ADGRA3: variants seen among roughly 807,000 people sequenced by gnomAD.
The protein encoded by ADGRA3 is G-protein coupled receptor 125.
A neutral mutation model predicts 119.8 loss-of-function variants in ADGRA3; 56 were observed. That is an observed-to-expected ratio of 0.47 (90% CI 0.38 to 0.58). ADGRA3 has a LOEUF of 0.58. ADGRA3 is among the 20% of genes least tolerant of loss of function. The pLI is 0.00. For synonymous variants in ADGRA3, 607 were observed against 623.8 expected (o/e 0.97, Z 0.40); for missense variants, 1,516 against 1,649.0 (o/e 0.92, Z 1.40).
chr4:22,429,661 T>A (rs1716081685), intron 10 of ADGRA3, among the ~76,000 whole-genome samples: 1 of 151,390 alleles, frequency 6.6e-6, no homozygotes, highest in South Asian at 2.1e-4. Context: ...AAAAAAAAAA[T>A]TATTCTCTGA....
At chr4:22,454,384 A>T (rs1286542491) in intron 4 of ADGRA3, among the ~76,000 whole-genome samples, 2 of 152,202 alleles carry the variant, frequency 1.3e-5, no homozygotes, top group Admixed American at 6.5e-5. Flanking sequence ...GGTCAGAGGC[A>T]CAATTCAAAT....
intron 14 of ADGRA3, among the ~76,000 whole-genome samples, chr4:22,410,569 A>G (rs1715151093): frequency 6.6e-6 from 1 of 152,186 alleles, no homozygotes. Flanking sequence ...ATTTAGACTT[A>G]CTATATAAAA....
intron 1 of ADGRA3, among the ~76,000 whole-genome samples, chr4:22,483,222 C>A (rs1718311403): frequency 6.6e-6 from 1 of 152,180 alleles, no homozygotes; most frequent in African/African-American, 2.4e-5. Flanking sequence ...TAGTAAACAT[C>A]TTTAACTCCT....
rs1191352279 is a variant in ADGRA3, at chr4:22,390,352, ATATATATAATACGTAT to A, written c.2628-1185_2628-1170del. Among the ~76,000 whole-genome samples, 19 of 99,508 alleles carry A rather than the reference ATATATATAATACGTAT, an allele frequency of 1.9e-4. No homozygotes were observed. In the South Asian group the frequency reaches 4.3e-3, roughly 23 times the overall value. 65.3% of individuals were successfully genotyped at this position (99,508 alleles called of 152,430 possible). ...TATATATATATAAAATACATATTAT[ATATATATAATACGTAT>A]TATATATATATAATACGTATTATAT... On this transcript the variant is annotated intron_variant, in intron 17 of 18. Coordinates refer to ENST00000334304, the MANE Select transcript of ADGRA3 (RefSeq NM_145290.4).
chr4:22,506,095 C>T (rs189628787), intron 1 of ADGRA3, among the ~76,000 whole-genome samples: 299 of 152,222 alleles, frequency 2.0e-3, no homozygotes, highest in African/African-American at 6.8e-3. Context: ...CTGGGACTCA[C>T]CCCCTGCAGA....
At chr4:22,432,344 A>G (rs879745707) in intron 10 of ADGRA3, among the ~76,000 whole-genome samples, 13 of 152,180 alleles carry the variant, frequency 8.5e-5, no homozygotes, top group Non-Finnish European at 1.6e-4. Flanking sequence ...AAATCCAGCA[A>G]GTGATTCTGA....
intron 14 of ADGRA3, among the ~76,000 whole-genome samples, chr4:22,409,351 T>C (rs945139113): frequency 1.3e-5 from 2 of 152,146 alleles, no homozygotes; most frequent in African/African-American, 4.8e-5. Context: ...AAATAAATTA[T>C]GGTAGAAACA....
intron 1 of ADGRA3, among the ~76,000 whole-genome samples, chr4:22,493,887 T>C (rs61793375): frequency 0.11 from 16,452 of 151,906 alleles, 924 homozygotes; most frequent in Middle Eastern, 0.16. Flanking sequence ...CCAAAATCCA[T>C]CAAAACCAAG....
chr4:22,408,950 T>G (rs1341444313), intron 14 of ADGRA3, among the ~76,000 whole-genome samples: 1 of 152,180 alleles, frequency 6.6e-6, no homozygotes, highest in African/African-American at 2.4e-5. Context: ...AAACTGCTGC[T>G]AAATGCAAAA....
intron 11 of ADGRA3, among the ~76,000 whole-genome samples, chr4:22,423,219 G>A (rs539986213): frequency 1.7e-3 from 250 of 148,656 alleles, no homozygotes; most frequent in Admixed American, 3.8e-3. Context: ...AATAAATATT[G>A]AAAAAAAAAG....
In ADGRA3 at chr4:22,424,251, C is replaced by T. The variant is rs1369238714; in HGVS notation, c.1545G>A (p.Val515=). 2 of 1,613,608 alleles carry T rather than the reference C, an allele frequency of 1.2e-6. No homozygotes were observed. Among genetic ancestry groups the T allele is most frequent in the East Asian group, 2.2e-5 (1 of 44,862 alleles). Residue 515 remains valine, a synonymous_variant, in exon 11 of 19, where the codon GTG becomes GTA. Transcript: ENST00000334304. ...AGGTAGCAATGCGCTGAAGACACTG[C>T]ACAATCCTACTGCAGGCTTTAGCTT... The part of the protein sequence containing the change: ...QREAKACSRI[V]QCLQRIATYR...
At chr4:22,503,255 A>T (rs1199346744) in intron 1 of ADGRA3, among the ~76,000 whole-genome samples, 1 of 152,236 alleles carries the variant, frequency 6.6e-6, no homozygotes, top group Non-Finnish European at 1.5e-5. Flanking sequence ...ACAGCAGGTT[A>T]AAAATAATAA....
intron 1 of ADGRA3, among the ~76,000 whole-genome samples, chr4:22,488,051 C>T (rs1416853250): frequency 6.6e-6 from 1 of 152,120 alleles, no homozygotes; most frequent in Non-Finnish European, 1.5e-5. Context: ...GTGATCCCTG[C>T]TCTGACCTTC....
chr4:22,411,209 T>C (rs1715185061), intron 14 of ADGRA3, among the ~76,000 whole-genome samples: 1 of 152,272 alleles, frequency 6.6e-6, no homozygotes, highest in African/African-American at 2.4e-5. Flanking sequence ...TTGAATATTA[T>C]TTCTCATCAG....
At chr4:22,424,038 T>C (rs1560309528) in intron 11 of ADGRA3, among the ~76,000 whole-genome samples, 153 bp downstream of exon 11, 5 of 152,214 alleles carry the variant, frequency 3.3e-5, no homozygotes. Context: ...TATAAAATGT[T>C]ATAACTTATA....
intron 14 of ADGRA3, among the ~76,000 whole-genome samples, chr4:22,404,224 T>C (rs535008069): frequency 6.6e-6 from 1 of 151,154 alleles, no homozygotes; most frequent in Non-Finnish European, 1.5e-5. Flanking sequence ...ATTAATAAAA[T>C]ATCTGAAACA....
chr4:22,454,363 C>T (rs1018998382), intron 4 of ADGRA3, among the ~76,000 whole-genome samples: 1 of 152,064 alleles, frequency 6.6e-6, no homozygotes. Flanking sequence ...ACAATTCACC[C>T]CAGATCACAT....
At chr4:22,435,779 A>G in intron 9 of ADGRA3, among the ~76,000 whole-genome samples, 1 of 152,210 alleles carries the variant, frequency 6.6e-6, no homozygotes, top group East Asian at 1.9e-4. Flanking sequence ...CAATTGCTTA[A>G]TAAAGCCTTT....
chr4:22,414,177 TAAAG>T (rs1036360797), intron 12 of ADGRA3: 4 of 210,284 alleles, frequency 1.9e-5, no homozygotes, highest in East Asian at 1.2e-4. Flanking sequence ...TAAAATATGA[TAAAG>T]AAGCACAAAT....
Sources: gnomAD v4.1 joint callset for allele counts (sites outside exome capture counted in the v4.1 genomes callset) on GRCh38, gnomAD v4.1.1 for gene constraint, MANE v1.5 for transcripts, NCBI Gene and HGNC (gene_info 2026-07-23, HGNC 2026-07-21) for gene names.